Variants in ACSM3 observed in about 807,000 individuals in gnomAD.
ACSM3 encodes acyl-coenzyme A synthetase ACSM3, mitochondrial.
ACSM3 carries 61 observed loss-of-function variants against 74.1 expected under a neutral mutation model. The ratio of observed to expected loss-of-function variants is 0.82; its 90% confidence interval spans 0.67 to 1.02. ACSM3 has a LOEUF of 1.02. ACSM3 is among the 50% of genes least tolerant of loss of function. The pLI, the probability that ACSM3 is intolerant of heterozygous loss-of-function variation, is 0.00. For missense variants in ACSM3, 660 were observed against 697.0 expected, an observed-to-expected ratio of 0.95 and a Z score of 0.60; for synonymous variants, 213 against 241.5, an observed-to-expected ratio of 0.88 and a Z score of 1.09.
At chr16:20,773,495 T>C (rs1432887843) in intron 2 of ACSM3, among the ~76,000 whole-genome samples, 1 of 152,206 alleles carries the variant, frequency 6.6e-6, no homozygotes, top group Non-Finnish European at 1.5e-5. Context: ...TGTTTATGGC[T>C]ATAAACTTCC....
rs151261045 is a variant in ACSM3, at chr16:20,737,873, G to T, written c.-189-12037G>T. On this transcript the variant is annotated intron_variant, in intron 1 of 3. Coordinates refer to the ACSM3 transcript ENST00000561584. ...AAAGCCTTGCATGTGCCTGAGATGG[G>T]TAACATTCGCAAAATAACTCGAGTC... 1.1e-5 allele frequency: 18 copies of T among 1,613,678 alleles called. No homozygotes were observed. The highest frequency in any genetic ancestry group is 1.4e-5 in the Non-Finnish European group (17 of 1,179,882).
At chr16:20,740,423 C>G (rs1004940325) in intron 1 of ACSM3, among the ~76,000 whole-genome samples, 2 of 152,242 alleles carry the variant, frequency 1.3e-5, no homozygotes, top group South Asian at 2.1e-4. Context: ...GCTTAAAGTA[C>G]AGGAGTAGAC....
chr16:20,740,282 G>C (rs1039251660), intron 1 of ACSM3, among the ~76,000 whole-genome samples: 2 of 152,198 alleles, frequency 1.3e-5, no homozygotes, highest in Non-Finnish European at 2.9e-5. Context: ...TGCAGTCCCT[G>C]CTACTCGGGG....
At position 20,707,126 on chromosome 16, in the gene ACSM3, G is replaced by T. The variant is rs548563286; in HGVS notation, c.-190+32304G>T. 1.3e-4 allele frequency among the ~76,000 whole-genome samples: 20 copies of T among 152,198 alleles called. No homozygotes were observed. The South Asian group carries it at 1.7e-3, about 13-fold the overall frequency. On this transcript the variant is annotated intron_variant, in intron 1 of 3. Coordinates refer to the ACSM3 transcript ENST00000561584. ...CTAAGAGCAGTTCTGCCCAGCCAGGGAATAGCTGGGAGACAAGTCCATGTG... is the reference window on the plus strand; with the variant it reads ...CTAAGAGCAGTTCTGCCCAGCCAGGTAATAGCTGGGAGACAAGTCCATGTG...
chr16:20,737,969 A>G (rs1383193676), intron 1 of ACSM3: 4 of 1,568,076 alleles, frequency 2.6e-6, no homozygotes, highest in Non-Finnish European at 3.4e-6. Flanking sequence ...TAAGAAAAAA[A>G]AAAAGTTAAG....
At chr16:20,722,174 T>A (rs2079788128) in intron 1 of ACSM3, 1 of 152,182 alleles carries the variant, frequency 6.6e-6, no homozygotes, top group African/African-American at 2.4e-5. Flanking sequence ...TGAGAGATGA[T>A]TTTACATAAT....
chr16:20,721,615 T>A (rs1310525022), intron 1 of ACSM3: 2 of 152,202 alleles, frequency 1.3e-5, no homozygotes, highest in Non-Finnish European at 2.9e-5. Flanking sequence ...TCAATTTGGC[T>A]GACTTTCCTA....
At chr16:20,732,533 A>G (rs1029779611) in intron 1 of ACSM3, among the ~76,000 whole-genome samples, 1 of 152,152 alleles carries the variant, frequency 6.6e-6, no homozygotes, top group Non-Finnish European at 1.5e-5. Flanking sequence ...ATCTTCTCCA[A>G]TCTCCAGGGT....
intron 1 of ACSM3, among the ~76,000 whole-genome samples, chr16:20,702,548 T>C (rs1483566076): frequency 2.6e-5 from 4 of 152,222 alleles, no homozygotes; most frequent in Admixed American, 6.5e-5. Flanking sequence ...TGATTTGCAT[T>C]TCTCTAATGA....
chr16:20,677,170 G>T (rs1340642370), intron 1 of ACSM3, among the ~76,000 whole-genome samples: 1 of 150,380 alleles, frequency 6.6e-6, no homozygotes, highest in East Asian at 1.9e-4. Context: ...ACAAAGAGAA[G>T]GAAAGAAAGA....
At chr16:20,729,129 C>T in intron 1 of ACSM3, 1 of 516,054 alleles carries the variant, frequency 1.9e-6, no homozygotes, top group Non-Finnish European at 3.6e-6. Context: ...TAAATAATTT[C>T]CTTTAGAAGT....
chr16:20,721,510 T>C (rs1204796475), intron 1 of ACSM3: 2 of 151,676 alleles, frequency 1.3e-5, no homozygotes, highest in Non-Finnish European at 2.9e-5. Context: ...AGAGGATGAG[T>C]AGAAAAACTC....
intron 2 of ACSM3, among the ~76,000 whole-genome samples, chr16:20,774,185 C>T (rs2080226404): frequency 6.7e-6 from 1 of 150,242 alleles, no homozygotes; most frequent in Non-Finnish European, 1.5e-5. Flanking sequence ...TTCCTGCACA[C>T]TTTTGGTTTC....
chr16:20,787,826 G>C (rs1376700918), intron 9 of ACSM3, among the ~76,000 whole-genome samples: 1 of 152,160 alleles, frequency 6.6e-6, no homozygotes, highest in Non-Finnish European at 1.5e-5. Flanking sequence ...GTAAAGTTGG[G>C]ACTAGAGTGA....
intron 1 of ACSM3, among the ~76,000 whole-genome samples, chr16:20,740,440 T>A (rs1402091085): frequency 6.6e-6 from 1 of 152,226 alleles, no homozygotes; most frequent in Non-Finnish European, 1.5e-5. Context: ...AGACAGGATA[T>A]GTGCTTGTTG....
At chr16:20,735,527 TTTC>T (rs1374616185) in intron 1 of ACSM3, 6 of 149,330 alleles carry the variant, frequency 4.0e-5, no homozygotes, top group Admixed American at 3.3e-4. Context: ...AACATCAGGA[TTTC>T]TTTTTTTTTT....
At chr16:20,684,164 C>T (rs9930741) in intron 1 of ACSM3, among the ~76,000 whole-genome samples, 64,019 of 151,904 alleles carry the variant, frequency 0.42, 16,198 homozygotes, top group Non-Finnish European at 0.58. Flanking sequence ...GAAATCTCTA[C>T]ATAAGAATTC....
At chr16:20,691,235 C>T (rs1340399648) in intron 1 of ACSM3, 8 of 1,459,738 alleles carry the variant, frequency 5.5e-6, no homozygotes, top group South Asian at 1.4e-5. Flanking sequence ...CAAGTCACCA[C>T]CTGCCTTGGG....
At chr16:20,796,187 T>C in intron 12 of ACSM3, 183 bp from the exon 13 acceptor site, 1 of 1,018,688 alleles carries the variant, frequency 9.8e-7, no homozygotes, top group Non-Finnish European at 1.4e-6. Flanking sequence ...TCCCAGAAGC[T>C]CTCCTGTATT....
Sources: gnomAD v4.1 joint callset for allele counts (sites outside exome capture counted in the v4.1 genomes callset) on GRCh38, gnomAD v4.1.1 for gene constraint, MANE v1.5 for transcripts, NCBI Gene and HGNC (gene_info 2026-07-23, HGNC 2026-07-21) for gene names.